The following ENTREP2 variants were observed in gnomAD, a reference collection of about 807,000 sequenced individuals.
ENTREP2 encodes the protein endosomal transmembrane epsin interactor 2.
chr15:29,199,771 C>T, the ENTREP2 span, among the ~76,000 whole-genome samples: 2 of 152,152 alleles, frequency 1.3e-5, no homozygotes, highest in Non-Finnish European at 2.9e-5. Context: ...ATTTTTGCTC[C>T]TACACTTTTG....
At chr15:29,373,631 A>ATTT in the ENTREP2 span, 1 of 151,510 alleles carries the variant, frequency 6.6e-6, no homozygotes, top group African/African-American at 2.4e-5. Flanking sequence ...GCTTTCTTTT[A>ATTT]TTTTTATTTT....
At chr15:29,340,470 A>G in the ENTREP2 span, among the ~76,000 whole-genome samples, 2 of 152,172 alleles carry the variant, frequency 1.3e-5, no homozygotes, top group African/African-American at 4.8e-5. Context: ...GGGCCAGTGC[A>G]GGGGAGGGGA....
the ENTREP2 span, among the ~76,000 whole-genome samples, chr15:29,444,953 C>T: frequency 9.9e-5 from 15 of 152,180 alleles, no homozygotes; most frequent in African/African-American, 3.6e-4. Context: ...ATGGATGTAT[C>T]AGACTGTGGA....
chr15:29,452,648 G>A, the ENTREP2 span: 1 of 152,292 alleles, frequency 6.6e-6, no homozygotes, highest in East Asian at 1.9e-4. Flanking sequence ...GTGTGAGTCT[G>A]CGCTCCAGGC....
chr15:29,383,053 C>T, the ENTREP2 span, among the ~76,000 whole-genome samples: 1 of 152,146 alleles, frequency 6.6e-6, no homozygotes, highest in Non-Finnish European at 1.5e-5. Context: ...TCCCTCCTGG[C>T]CTCCTCCCTC....
At chr15:29,443,187 T>C in the ENTREP2 span, among the ~76,000 whole-genome samples, 3 of 152,216 alleles carry the variant, frequency 2.0e-5, no homozygotes, top group Admixed American at 2.0e-4. Flanking sequence ...CTGTGGTCAC[T>C]CTTCAGTGGA....
the ENTREP2 span, among the ~76,000 whole-genome samples, chr15:29,302,583 T>C: frequency 1.3e-5 from 2 of 152,154 alleles, no homozygotes; most frequent in Non-Finnish European, 2.9e-5. Context: ...GCTCTCACAA[T>C]AGCTTCAAAA....
chr15:29,407,545 C>T, the ENTREP2 span, among the ~76,000 whole-genome samples: 209 of 152,204 alleles, frequency 1.4e-3, 1 homozygote, highest in Non-Finnish European at 2.4e-3. Flanking sequence ...GAAGGGGAGT[C>T]GAAGACCCAG....
chr15:29,545,799 C>G, the ENTREP2 span, among the ~76,000 whole-genome samples: 2 of 152,272 alleles, frequency 1.3e-5, no homozygotes, highest in African/African-American at 4.8e-5. Context: ...CACTATAAAT[C>G]TAACCTCTAG....
the ENTREP2 span, chr15:29,128,907 G>C: frequency 7.0e-7 from 1 of 1,421,908 alleles, no homozygotes; most frequent in African/African-American, 1.4e-5. Flanking sequence ...TGGTCCGTGG[G>C]AACGCAGCAC....
the ENTREP2 span, chr15:29,151,860 G>A: frequency 1.3e-6 from 2 of 1,533,276 alleles, no homozygotes; most frequent in African/African-American, 2.8e-5. Context: ...AAAGGTGCAG[G>A]AGAATGTCAG....
the ENTREP2 span, among the ~76,000 whole-genome samples, chr15:29,380,457 A>G: frequency 6.6e-6 from 1 of 152,222 alleles, no homozygotes; most frequent in Non-Finnish European, 1.5e-5. Context: ...AATATAAAAG[A>G]AGAAAAATGC....
chr15:29,311,278 T>A, the ENTREP2 span, among the ~76,000 whole-genome samples: 5 of 152,246 alleles, frequency 3.3e-5, no homozygotes, highest in African/African-American at 1.2e-4. Flanking sequence ...TATGACCACA[T>A]AACAGTCTGA....
the ENTREP2 span, among the ~76,000 whole-genome samples, chr15:29,451,259 G>A: frequency 2.0e-5 from 3 of 152,130 alleles, no homozygotes; most frequent in Admixed American, 2.0e-4. Flanking sequence ...ATGATGGGGG[G>A]TGGCAGCTCT....
At chr15:29,282,827 G>A in the ENTREP2 span, among the ~76,000 whole-genome samples, 1 of 152,130 alleles carries the variant, frequency 6.6e-6, no homozygotes, top group African/African-American at 2.4e-5. Context: ...CCCTTTAACC[G>A]TTTCTTGGCT....
At chr15:29,512,119 G>A in the ENTREP2 span, among the ~76,000 whole-genome samples, 50 of 152,118 alleles carry the variant, frequency 3.3e-4, 1 homozygote, top group Admixed American at 2.7e-3. Flanking sequence ...AAAATGAAAT[G>A]AGCCAACCAG....
At chr15:29,570,544 G>A in the ENTREP2 span, 6 of 1,465,644 alleles carry the variant, frequency 4.1e-6, no homozygotes, top group Admixed American at 2.3e-5. Context: ...GGCGGACGCG[G>A]GCCGAGGTGG....
the ENTREP2 span, among the ~76,000 whole-genome samples, chr15:29,537,073 G>A: frequency 6.6e-6 from 1 of 152,222 alleles, no homozygotes; most frequent in African/African-American, 2.4e-5. Context: ...TCTTTCTTCT[G>A]GACCTTTTTA....
chr15:29,137,403 T>C, the ENTREP2 span, among the ~76,000 whole-genome samples: 1 of 152,196 alleles, frequency 6.6e-6, no homozygotes, highest in African/African-American at 2.4e-5. Context: ...TTGCCCACGC[T>C]GTTATACAGA....
Sources: allele counts gnomAD v4.1 joint callset (sites outside exome capture counted in the v4.1 genomes callset), GRCh38; gene constraint gnomAD v4.1.1; transcripts MANE v1.5; gene names NCBI Gene and HGNC (gene_info 2026-07-23, HGNC 2026-07-21).